Variants in SLC28A1 observed in about 807,000 individuals in gnomAD.
SLC28A1 encodes the protein solute carrier family 28 member 1, also known as sodium/nucleoside cotransporter 1.
In SLC28A1, 64 loss-of-function variants were observed where a neutral mutation model predicts 74.8. The observed-to-expected ratio is 0.86, with a 90% CI of 0.70 to 1.05. SLC28A1 has a LOEUF of 1.05. Among genes scored for constraint, SLC28A1 ranks in the 50% least tolerant of loss-of-function variants. SLC28A1 has a pLI of 0.00. For synonymous variants in SLC28A1, 359 were observed against 335.0 expected, an observed-to-expected ratio of 1.07 and a Z score of -0.78; for missense variants, 828 against 822.8, an observed-to-expected ratio of 1.01 and a Z score of -0.08.
chr15:84,928,527 G>GTTCGTTCTTTCTTTCT (rs1477267970), intron 12 of SLC28A1, among the ~76,000 whole-genome samples: 1 of 47,176 alleles, frequency 2.1e-5, no homozygotes, highest in Non-Finnish European at 3.9e-5. Flanking sequence ...AGGTTCGTTC[G>GTTCGTTCTTTCTTTCT]TTCTTTCTTT....
At chr15:84,887,536 C>T in intron 2 of SLC28A1, 1 of 985,298 alleles carries the variant, frequency 1.0e-6, no homozygotes. Context: ...GGAAGAGGTA[C>T]CTCCTCCATG....
the SLC28A1 span, among the ~76,000 whole-genome samples, chr15:84,956,054 CG>C: frequency 5.3e-5 from 8 of 152,180 alleles, no homozygotes; most frequent in Admixed American, 5.2e-4. Flanking sequence ...GAAAACATTT[CG>C]GTAATTCCCT....
chr15:84,927,230 C>T (rs74450147), intron 12 of SLC28A1, among the ~76,000 whole-genome samples: 3 of 152,134 alleles, frequency 2.0e-5, no homozygotes, highest in Admixed American at 6.5e-5. Flanking sequence ...ATTTCCCCTA[C>T]GTCCTCTGAA....
chr15:84,929,672 G>C (rs954206259), intron 12 of SLC28A1, among the ~76,000 whole-genome samples: 1 of 152,140 alleles, frequency 6.6e-6, no homozygotes, highest in Admixed American at 6.5e-5. Context: ...GGGCAACATA[G>C]GGAGACCCCT....
At chr15:84,897,566 A>G (rs887053529) in intron 6 of SLC28A1, among the ~76,000 whole-genome samples, 1 of 152,248 alleles carries the variant, frequency 6.6e-6, no homozygotes, top group African/African-American at 2.4e-5. Flanking sequence ...ATACATTCAT[A>G]TAATTTGTAA....
At chr15:84,960,486 G>A in the SLC28A1 span, among the ~76,000 whole-genome samples, 4 of 151,864 alleles carry the variant, frequency 2.6e-5, no homozygotes, top group Admixed American at 6.6e-5. Context: ...TCGAACCCCT[G>A]TACTCAAGCG....
chr15:84,935,364 G>T lies in SLC28A1; in HGVS notation c.1427G>T (p.Gly476Val). The change falls in exon 15 of 19, where the codon GGT (glycine) becomes GTT (valine). Residue 476 changes from glycine (G) to valine (V), a missense_variant. Transcript: ENST00000394573. ...YILRPVAFLM[G>V]VAWEDCPVVA... is the part of the protein sequence containing the mutation. ...CTGCGGCCTGTAGCCTTCTTGATGG[G>T]TGTGGCGTGGGAGGACTGCCCAGTG... is the stretch of plus-strand genomic sequence containing the variant. The T allele has an allele frequency of 6.2e-7, 1 of 1,614,238 alleles. No homozygotes were observed. The highest frequency in any genetic ancestry group is 8.5e-7 in the Non-Finnish European group (1 of 1,180,038).
intron 11 of SLC28A1, among the ~76,000 whole-genome samples, chr15:84,922,694 C>G (rs1567163908): frequency 2.0e-5 from 3 of 152,190 alleles, no homozygotes; most frequent in African/African-American, 7.2e-5. Context: ...GGCTTCCTAG[C>G]CCCTCTGTGG....
intron 6 of SLC28A1, among the ~76,000 whole-genome samples, chr15:84,903,020 G>A (rs1257386687): frequency 6.6e-6 from 1 of 152,186 alleles, no homozygotes; most frequent in Non-Finnish European, 1.5e-5. Flanking sequence ...ATGAGCCACT[G>A]CGCCCAGCCA....
At chr15:84,948,387 G>T (rs2079304029), downstream of SLC28A1, among the ~76,000 whole-genome samples, 1 of 152,046 alleles carries the variant, frequency 6.6e-6, no homozygotes, top group Admixed American at 6.5e-5. Flanking sequence ...TGTATGGATG[G>T]CCTCTGTCAA....
At chr15:84,974,227 G>A in the SLC28A1 span, among the ~76,000 whole-genome samples, 424 of 152,352 alleles carry the variant, frequency 2.8e-3, 1 homozygote, top group African/African-American at 9.8e-3. Context: ...TGGGAATGAA[G>A]CAGCCCTCAG....
At chr15:84,907,516 T>C (rs1008079946) in intron 8 of SLC28A1, among the ~76,000 whole-genome samples, 1 of 152,010 alleles carries the variant, frequency 6.6e-6, no homozygotes, top group African/African-American at 2.4e-5. Context: ...TAGTTTAGTT[T>C]AGTTTTGAGA....
At position 84,887,865 on chromosome 15, in the gene SLC28A1, C is replaced by A. The variant is rs952152310; in HGVS notation, c.96+9C>A. On this transcript the variant is annotated intron_variant, in intron 3 of 18. Transcript: ENST00000394573. ...ATTTCTTGGAAAGCCTGGTCTGTACCCTTCCCCATCAGTCATCCTGACCCC... is the reference window on the plus strand; with the variant it reads ...ATTTCTTGGAAAGCCTGGTCTGTACACTTCCCCATCAGTCATCCTGACCCC... The A allele has an allele frequency of 3.8e-6, 6 of 1,594,680 alleles. No homozygotes were observed. The East Asian group carries it at 1.1e-4, about 30-fold the overall frequency.
the SLC28A1 span, among the ~76,000 whole-genome samples, chr15:84,957,103 TATA>T: frequency 2.0e-5 from 3 of 152,206 alleles, no homozygotes; most frequent in Non-Finnish European, 4.4e-5. Context: ...TTTATTGACA[TATA>T]ATGATATACT....
rs1036371143 is a variant in SLC28A1 at position 84,884,786 on chromosome 15, C to T, written c.-133+35C>T. On this transcript the variant is annotated intron_variant, in intron 1 of 18. Coordinates refer to ENST00000394573, the MANE Select transcript of SLC28A1 (RefSeq NM_004213.5). ...AAGGACAGTAGGAGAGGAGGGAAGG[C>T]GGGACTGAAGAAAGGAGGGGAAGGG... 2.4e-5 allele frequency: 23 copies of T among 971,834 alleles called. No homozygotes were observed. The Admixed American group carries it at 2.5e-4, about 10-fold the overall frequency. The allele number at this position is 971,834 out of a possible 1,614,324, so 60.2% of individuals were successfully genotyped here.
In SLC28A1 at chr15:84,941,786, C is replaced by T. The variant is rs184815597; in HGVS notation, c.1582-1659C>T. On this transcript the variant is annotated intron_variant, in intron 15 of 18. Coordinates refer to ENST00000394573, the MANE Select transcript of SLC28A1 (RefSeq NM_004213.5). ...ACTTGGGAGGCTGAAGCATGAGAATCGCTTGAACCCAGGAGGCAGAAGTTT... is the reference window on the plus strand; with the variant it reads ...ACTTGGGAGGCTGAAGCATGAGAATTGCTTGAACCCAGGAGGCAGAAGTTT... Among the ~76,000 whole-genome samples, 161 of 146,822 alleles carry T rather than the reference C, an allele frequency of 1.1e-3. 3 individuals carry two copies. The South Asian group carries it at 0.033, about 30-fold the overall frequency.
At chr15:84,892,750 A>T (rs1965500049) in intron 5 of SLC28A1, among the ~76,000 whole-genome samples, 1 of 152,040 alleles carries the variant, frequency 6.6e-6, no homozygotes, top group Non-Finnish European at 1.5e-5. Flanking sequence ...TTGGCTCCTG[A>T]GCTGCGACAG....
rs755842939 is a variant in SLC28A1 at position 84,895,061 on chromosome 15, G to A, written c.399G>A (p.Gly133=). The change falls in exon 6 of 19, where the codon GGG becomes GGA. Residue 133 remains glycine, a synonymous_variant. Coordinates refer to ENST00000394573, the MANE Select transcript of SLC28A1 (RefSeq NM_004213.5). ...ACCGCCTGCTGAAACGGCTTCTGGGGCCAAAGCTGAGGAGGTTTCTCAAGC... is the reference window on the plus strand; with the variant it reads ...ACCGCCTGCTGAAACGGCTTCTGGGACCAAAGCTGAGGAGGTTTCTCAAGC... ...LGHRLLKRLL[G]PKLRRFLKPQ... 1 of 1,605,394 alleles carries A rather than the reference G, an allele frequency of 6.2e-7. No individual in the cohort carries two copies.
intron 16 of SLC28A1, 26 bp from the exon 17 acceptor site, chr15:84,944,540 C>A: frequency 1.3e-6 from 2 of 1,531,162 alleles, no homozygotes; most frequent in Non-Finnish European, 1.8e-6. Context: ...GCTTCCCAGG[C>A]CCTGAGCACT....
Sources: gnomAD v4.1 joint callset for allele counts (sites outside exome capture counted in the v4.1 genomes callset) on GRCh38, gnomAD v4.1.1 for gene constraint, MANE v1.5 for transcripts, NCBI Gene and HGNC (gene_info 2026-07-23, HGNC 2026-07-21) for gene names.